Variants in MYOM1 observed in about 807,000 individuals in gnomAD.
MYOM1 encodes myomesin-1.
In MYOM1, 164 loss-of-function variants were observed where a neutral mutation model predicts 205.3. That is an observed-to-expected ratio of 0.80 (90% CI 0.70 to 0.91). The LOEUF (loss-of-function observed/expected upper bound fraction) is 0.91. Among genes scored for constraint, MYOM1 ranks in the 40% least tolerant of loss-of-function variants. The probability of loss-of-function intolerance (pLI) is 0.00; values close to 1 mark genes in which losing one functional copy is unlikely to be tolerated. For synonymous variants in MYOM1, 772 were observed against 789.4 expected (o/e 0.98, Z 0.37); for missense variants, 2,011 against 2,127.3 (o/e 0.95, Z 1.08).
intron 13 of MYOM1, among the ~76,000 whole-genome samples, chr18:3,145,448 T>C (rs2080111216): frequency 6.6e-6 from 1 of 152,178 alleles, no homozygotes; most frequent in Admixed American, 6.5e-5. Context: ...TTAATTTTCA[T>C]AATAGAATTA....
chr18:3,176,187 G>A lies in MYOM1; in HGVS notation c.930-53C>T. ...TAAGTTGAAGTGTAAACAACTTCATGATTAAACACACACACAATTCTTGTT... is the reference window on the plus strand; with the variant it reads ...TAAGTTGAAGTGTAAACAACTTCATAATTAAACACACACACAATTCTTGTT... On this transcript the variant is annotated intron_variant, in intron 5 of 37. Transcript: ENST00000356443. 3.0e-6 allele frequency: 3 copies of A among 1,015,036 alleles called. 1 individual carries two copies. Among genetic ancestry groups the A allele is most frequent in the South Asian group, 2.7e-5 (2 of 74,658 alleles). 62.9% of individuals were successfully genotyped at this position (1,015,036 alleles called of 1,614,324 possible).
In MYOM1 at chr18:3,151,813, A is replaced by G. The variant is rs377477742; in HGVS notation, c.1724T>C (p.Ile575Thr). 2.5e-6 allele frequency: 4 copies of G among 1,613,834 alleles called. No homozygotes were observed. In the African/African-American group the frequency reaches 5.3e-5, roughly 22 times the overall value. The change falls in exon 12 of 38, where the codon ATC (isoleucine) becomes ACC (threonine). Residue 575 changes from isoleucine (I) to threonine (T), a missense_variant. Coordinates refer to ENST00000356443, the MANE Select transcript of MYOM1 (RefSeq NM_003803.4). ...KFARFPVTGL[I>T]EGRSYIFRVR... ...TCGGAAGATATAGGAACGACCTTCG[A>G]TCAATCCAGTGACAGGAAAACGAGC...
In MYOM1 at chr18:3,179,120, C is replaced by T. The variant is rs553088883; in HGVS notation, c.930-2986G>A. On this transcript the variant is annotated intron_variant, in intron 5 of 37. Coordinates refer to ENST00000356443, the MANE Select transcript of MYOM1 (RefSeq NM_003803.4). The surrounding 1 kb of genome is among the most constrained non-coding windows in gnomAD (Gnocchi z 4.4). ...CTGGGCTCAAGCAATCCTCCCACCT[C>T]GGCCTCCCAAAATGCTAGGATTACA... 1.1e-3 allele frequency among the ~76,000 whole-genome samples: 164 copies of T among 152,184 alleles called. 1 individual carries two copies. Among genetic ancestry groups the T allele is most frequent in the African/African-American group, 3.7e-3 (155 of 41,522 alleles).
chr18:3,127,981 T>C (rs57472351), intron 18 of MYOM1, among the ~76,000 whole-genome samples: 23,011 of 152,098 alleles, frequency 0.15, 1,948 homozygotes, highest in East Asian at 0.33. Context: ...CTACTGAAAT[T>C]ACAGTTTTCA....
Position 3,085,036 on chromosome 18 carries a change from T to C in MYOM1, c.4339+9A>G, listed in dbSNP as rs2143687748. On this transcript the variant is annotated intron_variant, in intron 31 of 37. Transcript: ENST00000356443. ...ACACAAGACAGACCCCAGCAGTTGG[T>C]GGACTGACCTTCATCCACAAGCTTC... 1 of 1,594,846 alleles carries C rather than the reference T, an allele frequency of 6.3e-7. No homozygotes were observed. The highest frequency in any genetic ancestry group is 8.6e-7 in the Non-Finnish European group (1 of 1,169,026).
chr18:3,094,332 TAATTATATTGGTAACC>T, intron 25 of MYOM1, 26 bp from the exon 26 acceptor site: 2 of 1,574,954 alleles, frequency 1.3e-6, no homozygotes, highest in Non-Finnish European at 1.7e-6. Context: ...ATAAACACAG[TAATTATATTGGTAACC>T]AATTATATTG....
At chr18:3,126,940 T>G in intron 18 of MYOM1, 43 bp from the exon 19 acceptor site, 1 of 1,514,064 alleles carries the variant, frequency 6.6e-7, no homozygotes, top group Non-Finnish European at 9.0e-7. Flanking sequence ...GAAATGCATT[T>G]ATGATTCTAT....
intron 9 of MYOM1, among the ~76,000 whole-genome samples, chr18:3,166,022 C>T (rs1194386594): frequency 2.0e-5 from 3 of 152,216 alleles, no homozygotes; most frequent in African/African-American, 7.2e-5. Context: ...CCTGCACCTA[C>T]ATTTGTCTGC....
Position 3,127,282 on chromosome 18 carries a change from CATAT to C in MYOM1, c.2795-389_2795-386del, listed in dbSNP as rs1241920775. ...CTGCAATTTGCTTATTCAGAATTTC[CATAT>C]ATATATATATATATATATATTTTTT... is the stretch of plus-strand genomic sequence containing the variant. On this transcript the variant is annotated intron_variant, in intron 18 of 37. Transcript: ENST00000356443. 1.0e-3 allele frequency among the ~76,000 whole-genome samples: 62 copies of C among 59,492 alleles called. 1 individual carries two copies. Among genetic ancestry groups the C allele is most frequent in the South Asian group, 7.3e-3 (10 of 1,364 alleles). 39.0% of individuals were successfully genotyped at this position (59,492 alleles called of 152,430 possible).
At chr18:3,103,644 A>G (rs983518314) in intron 22 of MYOM1, among the ~76,000 whole-genome samples, 1 of 152,180 alleles carries the variant, frequency 6.6e-6, no homozygotes, top group Non-Finnish European at 1.5e-5. Flanking sequence ...ATTTTTTTAA[A>G]AAGCATAAAA....
the MYOM1 span, among the ~76,000 whole-genome samples, chr18:3,243,867 G>T: frequency 6.6e-6 from 1 of 152,116 alleles, no homozygotes; most frequent in Admixed American, 6.5e-5. Context: ...AATAGGCACA[G>T]ATAATAATAA....
Position 3,183,480 on chromosome 18 carries a change from T to C in MYOM1, c.929+4000A>G, listed in dbSNP as rs148534279. On this transcript the variant is annotated intron_variant, in intron 5 of 37. Transcript: ENST00000356443. ...GTTAGGCCTCAGGAACTCCCATGAG[T>C]GAAGGTGTCCAGTGGAAACTGGTTG... Among the ~76,000 whole-genome samples the C allele has an allele frequency of 7.0e-3, 1,070 of 152,110 alleles. 9 individuals are homozygous for C. Among genetic ancestry groups the C allele is most frequent in the Middle Eastern group, 0.041 (12 of 294 alleles).
intron 5 of MYOM1, among the ~76,000 whole-genome samples, chr18:3,184,990 C>T (rs1230769388): frequency 6.6e-6 from 1 of 152,224 alleles, no homozygotes; most frequent in Non-Finnish European, 1.5e-5. Context: ...TGCTTCTTAG[C>T]TCTGTTAGTG....
intron 26 of MYOM1, among the ~76,000 whole-genome samples, chr18:3,093,165 G>A (rs2079250616): frequency 1.3e-5 from 2 of 152,140 alleles, no homozygotes; most frequent in African/African-American, 4.8e-5. Context: ...CATGGTACTC[G>A]TTTCCCTCTC....
the MYOM1 span, among the ~76,000 whole-genome samples, chr18:3,231,040 C>T: frequency 2.0e-5 from 3 of 152,172 alleles, no homozygotes; most frequent in Admixed American, 6.5e-5. Context: ...CAGGAAAGCA[C>T]TCAATGCCTG....
At chr18:3,210,383 G>A (rs938819632) in intron 2 of MYOM1, among the ~76,000 whole-genome samples, 9 of 152,186 alleles carry the variant, frequency 5.9e-5, no homozygotes, top group African/African-American at 1.9e-4. Context: ...GGGAGTGGGG[G>A]TGGTTGATCA....
intron 25 of MYOM1, among the ~76,000 whole-genome samples, chr18:3,099,544 C>T (rs573951982): frequency 1.3e-5 from 2 of 152,342 alleles, no homozygotes; most frequent in Admixed American, 6.5e-5. Context: ...GAGATCCCCC[C>T]ATCTGGCCAG....
At chr18:3,192,031 A>G (rs1338413027) in intron 3 of MYOM1, among the ~76,000 whole-genome samples, 2 of 152,126 alleles carry the variant, frequency 1.3e-5, no homozygotes, top group Non-Finnish European at 2.9e-5. Flanking sequence ...TTTGTAAATG[A>G]TCACTTCTTG....
intron 34 of MYOM1, among the ~76,000 whole-genome samples, chr18:3,077,751 C>T (rs536421765): frequency 2.0e-4 from 31 of 152,248 alleles, no homozygotes; most frequent in African/African-American, 6.5e-4. Flanking sequence ...TGACTGCCTC[C>T]CTTTTTCCAT....
Sources: gnomAD v4.1 joint callset for allele counts (sites outside exome capture counted in the v4.1 genomes callset) on GRCh38, gnomAD v4.1.1 for gene constraint, Gnocchi (gnomAD v3.1) non-coding constraint, MANE v1.5 for transcripts, NCBI Gene and HGNC (gene_info 2026-07-23, HGNC 2026-07-21) for gene names.